Variants in CRB1 observed in about 807,000 individuals in gnomAD.
CRB1 encodes the protein protein crumbs homolog 1.
In CRB1, 83 loss-of-function variants were observed where a neutral mutation model predicts 120.0. The observed-to-expected ratio is 0.69, with a 90% CI of 0.58 to 0.83. The LOEUF is 0.83. Ranked by LOEUF, CRB1 falls within the 40% of genes least tolerant of loss-of-function variation. The pLI, the probability that CRB1 is intolerant of heterozygous loss-of-function variation, is 0.00. For missense variants in CRB1, 1,699 were observed against 1,687.6 expected (o/e 1.01, Z -0.12); for synonymous variants, 625 against 612.5 (o/e 1.02, Z -0.30).
At chr1:197,304,970 A>AGTTCTGTAGT (rs1571804374) in intron 1 of CRB1, among the ~76,000 whole-genome samples, 1 of 152,268 alleles carries the variant, frequency 6.6e-6, no homozygotes, top group East Asian at 1.9e-4. Flanking sequence ...TCAGCCTGAG[A>AGTTCTGTAGT]GTTCTGTAGT....
intron 5 of CRB1, among the ~76,000 whole-genome samples, chr1:197,402,836 T>G (rs938122732): frequency 8.5e-5 from 13 of 152,218 alleles, no homozygotes; most frequent in African/African-American, 3.1e-4. Flanking sequence ...GCTTTGATTA[T>G]CTGCAGTACC....
chr1:197,415,598 T>A, intron 5 of CRB1, among the ~76,000 whole-genome samples: 1 of 150,370 alleles, frequency 6.7e-6, no homozygotes, highest in South Asian at 2.1e-4. Flanking sequence ...CACAAAGACC[T>A]CTTTTTCTTT....
intron 1 of CRB1, among the ~76,000 whole-genome samples, chr1:197,316,615 A>T (rs1433632040): frequency 6.6e-6 from 1 of 152,242 alleles, no homozygotes; most frequent in Non-Finnish European, 1.5e-5. Context: ...AAATAAAAAA[A>T]GTAATTATTT....
intron 11 of CRB1, chr1:197,443,263 A>T (rs1351006089): frequency 6.6e-6 from 1 of 152,166 alleles, no homozygotes; most frequent in Non-Finnish European, 1.5e-5. Flanking sequence ...TCAGGAATTT[A>T]CATCGAGTCC....
chr1:197,321,210 C>T lies in CRB1; in HGVS notation c.71-7212C>T, dbSNP rs116004871. ...AGGCATGTCTGTATTCACCAAGGCCCTGCTCAGAACAGCATGTGCCAGAAT... is the reference window on the plus strand; with the variant it reads ...AGGCATGTCTGTATTCACCAAGGCCTTGCTCAGAACAGCATGTGCCAGAAT... On this transcript the variant is annotated intron_variant, in intron 1 of 11. Coordinates refer to ENST00000367400, the MANE Select transcript of CRB1 (RefSeq NM_201253.3). Among the ~76,000 whole-genome samples the T allele has an allele frequency of 5.4e-3, 822 of 152,332 alleles. 10 individuals are homozygous for T. The highest frequency in any genetic ancestry group is 0.019 in the African/African-American group (790 of 41,578).
chr1:197,472,781 C>T (rs35055901), intron 11 of CRB1, among the ~76,000 whole-genome samples: 17 of 152,228 alleles, frequency 1.1e-4, no homozygotes, highest in Non-Finnish European at 1.8e-4. Context: ...AGTGATAACC[C>T]GAAGCGCCTC....
chr1:197,442,601 C>T, intron 11 of CRB1: 1 of 1,297,136 alleles, frequency 7.7e-7, no homozygotes, highest in East Asian at 2.6e-5. Flanking sequence ...TTTTCCTATT[C>T]TAACTTTAAA....
intron 1 of CRB1, among the ~76,000 whole-genome samples, chr1:197,291,116 A>C (rs1474470609): frequency 1.3e-5 from 2 of 151,864 alleles, no homozygotes; most frequent in East Asian, 1.9e-4. Context: ...TAATAACTTC[A>C]AGAGCTAGGA....
chr1:197,319,012 C>G (rs1658017911), intron 1 of CRB1, among the ~76,000 whole-genome samples: 1 of 151,748 alleles, frequency 6.6e-6, no homozygotes, highest in South Asian at 2.1e-4. Flanking sequence ...TAAATGTTAT[C>G]AGAAATTGAC....
intron 5 of CRB1, among the ~76,000 whole-genome samples, chr1:197,379,466 A>T (rs906989952): frequency 2.6e-5 from 4 of 151,582 alleles, no homozygotes; most frequent in South Asian, 2.1e-4. Flanking sequence ...CGCCTGGCAA[A>T]TTTTTTTGTA....
chr1:197,302,324 A>G (rs80292345), intron 1 of CRB1, among the ~76,000 whole-genome samples: 11,417 of 152,228 alleles, frequency 0.075, 1,460 homozygotes, highest in African/African-American at 0.26. Context: ...TTTTGCAGGC[A>G]TAATGCAATG....
intron 11 of CRB1, among the ~76,000 whole-genome samples, chr1:197,464,734 A>G (rs1369749034): frequency 1.3e-5 from 2 of 151,980 alleles, no homozygotes; most frequent in African/African-American, 2.4e-5. Flanking sequence ...AGTATGAGAC[A>G]AGAATTATCC....
chr1:197,453,891 T>A (rs1666132711), intron 11 of CRB1, among the ~76,000 whole-genome samples: 1 of 135,910 alleles, frequency 7.4e-6, no homozygotes, highest in Admixed American at 8.0e-5. Flanking sequence ...ATATTATTAA[T>A]ATTATTATAT....
At chr1:197,454,227 T>C (rs1216315854) in intron 11 of CRB1, among the ~76,000 whole-genome samples, 2 of 151,566 alleles carry the variant, frequency 1.3e-5, no homozygotes, top group Non-Finnish European at 2.9e-5. Context: ...TGAAATCTTG[T>C]TAGCAGAATC....
At chr1:197,243,824 A>G in the CRB1 span, among the ~76,000 whole-genome samples, 388 of 151,966 alleles carry the variant, frequency 2.6e-3, 2 homozygotes, top group Middle Eastern at 0.01. Flanking sequence ...CTTTGTAGGT[A>G]TCTAAGAATT....
chr1:197,281,952 TA>T (rs1387942964), intron 1 of CRB1, among the ~76,000 whole-genome samples: 1 of 151,140 alleles, frequency 6.6e-6, no homozygotes, highest in Non-Finnish European at 1.5e-5. Flanking sequence ...AGTTAGAAGA[TA>T]AAGAGTATAA....
intron 1 of CRB1, among the ~76,000 whole-genome samples, chr1:197,302,042 G>A (rs1434292992): frequency 6.6e-6 from 1 of 152,124 alleles, no homozygotes; most frequent in African/African-American, 2.4e-5. Context: ...GTTCTATTGT[G>A]GTTAAAATAT....
At chr1:197,203,540 G>T in the CRB1 span, among the ~76,000 whole-genome samples, 1 of 152,118 alleles carries the variant, frequency 6.6e-6, no homozygotes, top group Non-Finnish European at 1.5e-5. Flanking sequence ...GGCCAGGCTG[G>T]TCTTGAACTC....
At chr1:197,419,899 C>A (rs546922128) in intron 5 of CRB1, among the ~76,000 whole-genome samples, 5 of 149,950 alleles carry the variant, frequency 3.3e-5, no homozygotes, top group Admixed American at 1.3e-4. Context: ...GGTGTAAACC[C>A]GGGAGGCAGA....
Sources: gnomAD v4.1 joint callset for allele counts (sites outside exome capture counted in the v4.1 genomes callset) on GRCh38, gnomAD v4.1.1 for gene constraint, MANE v1.5 for transcripts, NCBI Gene and HGNC (gene_info 2026-07-23, HGNC 2026-07-21) for gene names.